The following LILRA2 variants were observed in gnomAD, a reference collection of about 807,000 sequenced individuals.
LILRA2 encodes the protein leukocyte immunoglobulin like receptor A2.
In LILRA2, 45 loss-of-function variants were observed where a neutral mutation model predicts 47.9. That is an observed-to-expected ratio of 0.94 (90% CI 0.74 to 1.20). The LOEUF is 1.20. Among genes scored for constraint, LILRA2 ranks in the 50% most tolerant of loss-of-function variants. LILRA2 has a pLI of 0.00. For synonymous variants in LILRA2, 279 were observed against 249.2 expected, an observed-to-expected ratio of 1.12 and a Z score of -1.13; for missense variants, 651 against 598.2, an observed-to-expected ratio of 1.09 and a Z score of -0.92.
chr19:54,584,576 C>T (rs1426590931), intron 6 of LILRA2, among the ~76,000 whole-genome samples: 2 of 152,168 alleles, frequency 1.3e-5, no homozygotes, highest in African/African-American at 2.4e-5. Context: ...GCTATTGAAG[C>T]TTGTGCATGC....
In LILRA2 at chr19:54,574,336, G is replaced by T; in HGVS notation, c.106G>T (p.Gly36Cys). ...CAAGCCCACCCTCTGGGCTGAGCCA[G>T]GCTCTGTGATCATCCAGGGAAGTCC... ...LPKPTLWAEPGSVIIQGSPVT... is the reference protein window; with the variant it reads ...LPKPTLWAEPCSVIIQGSPVT... Residue 36 changes from glycine to cysteine, a missense_variant, in exon 3 of 8, where the codon GGC becomes TGC. Gly to Cys is a radical substitution (Grantham distance 159, BLOSUM62 -3). Coordinates refer to ENST00000391738, the MANE Select transcript of LILRA2 (RefSeq NM_001130917.3). 6.2e-7 allele frequency: 1 copy of T among 1,614,236 alleles called. No individual in the cohort carries two copies. The highest frequency in any genetic ancestry group is 8.5e-7 in the Non-Finnish European group (1 of 1,180,032).
Position 54,585,489 on chromosome 19 carries a change from C to T in LILRA2, c.1256-1521C>T, listed in dbSNP as rs2062772079. Among the ~76,000 whole-genome samples, 3 of 152,208 alleles carry T rather than the reference C, an allele frequency of 2.0e-5. No homozygotes were observed. In the South Asian group the frequency reaches 6.2e-4, roughly 31 times the overall value. ...TGTTTACACTGTGAGCTACTCCAAC[C>T]TCAGCAATGGTGGATGCCCTTCCCT... On this transcript the variant is annotated intron_variant, in intron 6 of 7. Coordinates refer to ENST00000391738, the MANE Select transcript of LILRA2 (RefSeq NM_001130917.3).
chr19:54,586,355 C>A (rs746143205), intron 6 of LILRA2, among the ~76,000 whole-genome samples: 2 of 152,182 alleles, frequency 1.3e-5, no homozygotes, highest in Non-Finnish European at 2.9e-5. Context: ...ATAGCACCAG[C>A]ATTTAACATA....
intron 6 of LILRA2, chr19:54,577,356 C>A: frequency 1.1e-6 from 1 of 913,498 alleles, no homozygotes; most frequent in Non-Finnish European, 1.5e-6. Flanking sequence ...CCAGGCCTGA[C>A]TTGGACACTG....
rs753585889 is a variant in LILRA2 at position 54,574,967 on chromosome 19, G to C, written c.589G>C (p.Ala197Pro). 6.2e-7 allele frequency: 1 copy of C among 1,614,262 alleles called. No homozygotes were observed. Among genetic ancestry groups the C allele is most frequent in the Non-Finnish European group, 8.5e-7 (1 of 1,180,036 alleles). The change falls in exon 4 of 8, where the codon GCT (alanine) becomes CCT (proline). Residue 197 changes from alanine to proline, a missense_variant. By Grantham distance (27) the Ala-to-Pro change is conservative. Coordinates refer to ENST00000391738, the MANE Select transcript of LILRA2 (RefSeq NM_001130917.3). ...PSRRWSYRCYAYDSNSPYVWS... is the reference protein window; with the variant it reads ...PSRRWSYRCYPYDSNSPYVWS... ...TCGCAGGTGGTCGTACAGGTGCTAT[G>C]CTTATGACTCGAACTCTCCCTATGT...
chr19:54,577,544 C>G, intron 6 of LILRA2: 1 of 1,289,778 alleles, frequency 7.8e-7, no homozygotes, highest in Non-Finnish European at 1.0e-6. Context: ...CTGCTTGGGC[C>G]TCGGTGGGAT....
At position 54,590,118 on chromosome 19, in the gene LILRA2, TTGAC is replaced by T. The variant is rs1424378844; in HGVS notation, c.*2774_*2777del. ...CAACTATTTCCTTTGCAAGTATTTA[TTGAC>T]TAACATACTCCTTATTTCCTTCATT... On this transcript the variant is annotated 3_prime_UTR_variant, in exon 8 of 8. Transcript: ENST00000391738. 2 of 151,794 alleles carry T rather than the reference TTGAC, an allele frequency of 1.3e-5. No homozygotes were observed. The highest frequency in any genetic ancestry group is 1.9e-4 in the East Asian group (1 of 5,186). The allele number at this position is 151,794 out of a possible 1,614,324, so 9.4% of individuals were successfully genotyped here.
rs144309209 is a variant in LILRA2 at position 54,580,092 on chromosome 19, A to G, written c.1255+3983A>G. 9.3e-3 allele frequency among the ~76,000 whole-genome samples: 1,418 copies of G among 151,812 alleles called. 22 individuals carry two copies. The highest frequency in any genetic ancestry group is 0.033 in the African/African-American group (1,350 of 41,322). ...ACTTTCTCTTTTCCTAATTGAATAC[A>G]CTTTATTTCTTTCTCTTGCGTGATT... On this transcript the variant is annotated intron_variant, in intron 6 of 7. Coordinates refer to ENST00000391738, the MANE Select transcript of LILRA2 (RefSeq NM_001130917.3).
chr19:54,574,758 C>T lies in LILRA2; in HGVS notation c.380C>T (p.Ala127Val), dbSNP rs2062319733. The part of the protein sequence containing the change: ...TGAYSKPTLS[A>V]LPSPVVTSGG... ...GCCTACAGCAAACCCACCCTCTCAG[C>T]TCTGCCCAGCCCTGTGGTGACCTCA... Residue 127 changes from alanine to valine, a missense_variant, in exon 4 of 8, where the codon GCT becomes GTT. Ala to Val is a moderately conservative substitution (Grantham distance 64). Transcript: ENST00000391738. The T allele has an allele frequency of 2.5e-6, 4 of 1,614,276 alleles. No homozygotes were observed. In the East Asian group the frequency reaches 6.7e-5, roughly 27 times the overall value.
intron 6 of LILRA2, among the ~76,000 whole-genome samples, chr19:54,585,015 C>A (rs536691961): frequency 5.1e-4 from 78 of 152,254 alleles, no homozygotes; most frequent in African/African-American, 1.8e-3. Flanking sequence ...GTTAGTTTTC[C>A]TTCTAAGAGT....
chr19:54,573,158 C>CTT (rs1042404945), upstream of LILRA2: 1 of 277,628 alleles, frequency 3.6e-6, no homozygotes, highest in Non-Finnish European at 7.1e-6. Flanking sequence ...TAATTTTTTG[C>CTT]TTTTTTTATA....
intron 6 of LILRA2, chr19:54,577,449 A>G: frequency 1.6e-6 from 2 of 1,273,470 alleles, no homozygotes; most frequent in Non-Finnish European, 2.0e-6. Context: ...GGCAGCTCTC[A>G]TTTCTCATTT....
At chr19:54,577,813 C>T (rs2062517525) in intron 6 of LILRA2, 1 of 800,982 alleles carries the variant, frequency 1.2e-6, no homozygotes, top group Non-Finnish European at 1.6e-6. Context: ...TTTTCTAAAA[C>T]TTTTAAAACA....
In LILRA2 at chr19:54,575,315, A is replaced by G. The variant is rs752175961; in HGVS notation, c.715A>G (p.Ser239Gly). The G allele has an allele frequency of 1.9e-6, 3 of 1,613,920 alleles. No individual in the cohort carries two copies. Among genetic ancestry groups the G allele is most frequent in the African/African-American group, 1.3e-5 (1 of 74,962 alleles). ...QPGPMVAPGE[S>G]LTLQCVSDVG... ...AGGTCCTATGGTGGCCCCTGGGGAG[A>G]GCCTGACCCTCCAGTGTGTCTCTGA... Residue 239 changes from serine (S) to glycine (G), a missense_variant, in exon 5 of 8, where the codon AGC (serine) becomes GGC (glycine). Physicochemically the swap from Ser to Gly is moderately conservative, Grantham distance 56. Coordinates refer to ENST00000391738, the MANE Select transcript of LILRA2 (RefSeq NM_001130917.3).
chr19:54,588,122 G>C lies in LILRA2; in HGVS notation c.*776G>C, dbSNP rs8102050. ...ACTGTCTTCACTAATGAGCACCAGG[G>C]ACCTGTGGCACATCCCACTGAGAGC... On this transcript the variant is annotated 3_prime_UTR_variant, in exon 8 of 8. Coordinates refer to ENST00000391738, the MANE Select transcript of LILRA2 (RefSeq NM_001130917.3). The C allele has an allele frequency of 0.11, 16,821 of 152,100 alleles. 1,001 individuals carry two copies. Among genetic ancestry groups the C allele is most frequent in the South Asian group, 0.2 (946 of 4,776 alleles). The allele number at this position is 152,100 out of a possible 1,614,324, so 9.4% of individuals were successfully genotyped here.
At position 54,577,028 on chromosome 19, in the gene LILRA2, T is replaced by G. The variant is rs1480174839; in HGVS notation, c.1255+919T>G. ...TCTACAGCCCTCTCTGGCCCTCTCC[T>G]AATTCTCCCAATAACTGAGACTTGT... is the stretch of plus-strand genomic sequence containing the variant. On this transcript the variant is annotated intron_variant, in intron 6 of 7. Transcript: ENST00000391738. 2.8e-3 allele frequency among the ~76,000 whole-genome samples: 418 copies of G among 151,288 alleles called. No homozygotes were observed. The South Asian group carries it at 0.057, about 21-fold the overall frequency.
chr19:54,574,167 A>T (rs761587675), intron 2 of LILRA2, 56 bp downstream of exon 2: 82 of 1,614,094 alleles, frequency 5.1e-5, no homozygotes, highest in Admixed American at 1.0e-4. Flanking sequence ...ACAAGGGGCC[A>T]CCCCCGTGCA....
At chr19:54,582,709 A>T (rs2062679483) in intron 6 of LILRA2, among the ~76,000 whole-genome samples, 1 of 151,754 alleles carries the variant, frequency 6.6e-6, no homozygotes, top group African/African-American at 2.4e-5. Flanking sequence ...AATTTTGTTG[A>T]TCTTTTCAAA....
upstream of LILRA2, chr19:54,573,690 CA>C (rs1352829612): frequency 8.6e-7 from 1 of 1,156,080 alleles, no homozygotes; most frequent in Non-Finnish European, 1.2e-6. Flanking sequence ...TGCCTGCCCC[CA>C]CCTCAGCCCT....
Sources: gnomAD v4.1 joint callset for allele counts (sites outside exome capture counted in the v4.1 genomes callset) on GRCh38, gnomAD v4.1.1 for gene constraint, MANE v1.5 for transcripts, NCBI Gene and HGNC (gene_info 2026-07-23, HGNC 2026-07-21) for gene names.